Variants in OXSR1 observed in about 807,000 individuals in gnomAD.
OXSR1 encodes oxidative stress responsive kinase 1.
Under a neutral mutation model 79.8 loss-of-function variants are expected in OXSR1, and 24 were observed. That is an observed-to-expected ratio of 0.30 (90% CI 0.22 to 0.42). The LOEUF (loss-of-function observed/expected upper bound fraction) is 0.42, where lower values mean the gene tolerates loss of function less well. Among genes scored for constraint, OXSR1 ranks in the 10% least tolerant of loss-of-function variants. The probability of loss-of-function intolerance (pLI) is 1.00; values close to 1 mark genes in which losing one functional copy is unlikely to be tolerated. For missense variants in OXSR1, 430 were observed against 618.4 expected (o/e 0.70, Z 3.23); for synonymous variants, 226 against 209.2 (o/e 1.08, Z -0.69).
chr3:38,216,248 T>C, intron 5 of OXSR1, 97 bp downstream of exon 5: 3 of 767,216 alleles, frequency 3.9e-6, no homozygotes, highest in Non-Finnish European at 6.4e-6. Flanking sequence ...TCCTGTTCCC[T>C]GGACCATCTC....
intron 5 of OXSR1, among the ~76,000 whole-genome samples, chr3:38,217,603 C>CTGCA (rs1482561810): frequency 2.6e-4 from 39 of 152,306 alleles, no homozygotes. Flanking sequence ...TCTTGGCTCA[C>CTGCA]TGCAACCTGT....
At chr3:38,169,929 C>T (rs1342588646) in intron 1 of OXSR1, among the ~76,000 whole-genome samples, 3 of 151,982 alleles carry the variant, frequency 2.0e-5, no homozygotes, top group Non-Finnish European at 2.9e-5. Context: ...TGGGTTTCGC[C>T]ACATTTCCCA....
chr3:38,217,992 AT>A (rs1296403958), intron 5 of OXSR1, among the ~76,000 whole-genome samples: 1 of 151,978 alleles, frequency 6.6e-6, no homozygotes, highest in Non-Finnish European at 1.5e-5. Context: ...TACGTGCTGC[AT>A]TTTGTTTATC....
chr3:38,186,199 A>T (rs1462756063), intron 2 of OXSR1, among the ~76,000 whole-genome samples: 1 of 152,108 alleles, frequency 6.6e-6, no homozygotes, highest in Non-Finnish European at 1.5e-5. Context: ...TTTGATAGGA[A>T]ATATTGATTA....
chr3:38,203,746 CCTG>C (rs1702213525), intron 4 of OXSR1, among the ~76,000 whole-genome samples: 1 of 152,150 alleles, frequency 6.6e-6, no homozygotes, highest in Non-Finnish European at 1.5e-5. Context: ...CACAAGCACC[CCTG>C]TGGCTACCAG....
intron 1 of OXSR1, among the ~76,000 whole-genome samples, chr3:38,175,884 A>G (rs1701668412): frequency 6.6e-6 from 1 of 152,192 alleles, no homozygotes; most frequent in South Asian, 2.1e-4. Flanking sequence ...AGGCGTGCCA[A>G]TGTGAAGTAG....
intron 4 of OXSR1, among the ~76,000 whole-genome samples, chr3:38,203,072 T>C (rs369034060): frequency 6.6e-6 from 1 of 152,322 alleles, no homozygotes; most frequent in East Asian, 1.9e-4. Context: ...TCCACTTCCG[T>C]GTTCCTCCCG....
In OXSR1 at chr3:38,213,533, G is replaced by GTA. The variant is rs149970433; in HGVS notation, c.435-2562_435-2561dup. 4.1e-3 allele frequency among the ~76,000 whole-genome samples: 624 copies of GTA among 152,240 alleles called. 7 individuals are homozygous for GTA. Among genetic ancestry groups the GTA allele is most frequent in the African/African-American group, 0.014 (600 of 41,540 alleles). On this transcript the variant is annotated intron_variant, in intron 4 of 17. Transcript: ENST00000311806. Reference sequence around the variant, plus strand: ...ACTGAAAAAGGACATTAGTTAAAAAGTAAAGAAATCTGAATAAACTGTGGA... The same window carrying GTA: ...ACTGAAAAAGGACATTAGTTAAAAAGTATAAAGAAATCTGAATAAACTGTGGA...
intron 15 of OXSR1, among the ~76,000 whole-genome samples, chr3:38,250,890 A>C (rs1207036429): frequency 6.6e-6 from 1 of 152,184 alleles, no homozygotes; most frequent in Non-Finnish European, 1.5e-5. Flanking sequence ...AGTTGGTTGA[A>C]GATGAGGTTA....
intron 3 of OXSR1, among the ~76,000 whole-genome samples, chr3:38,194,107 T>C (rs1702032240): frequency 6.6e-6 from 1 of 152,194 alleles, no homozygotes; most frequent in South Asian, 2.1e-4. Context: ...TGATCTCCAG[T>C]ACATTGGTGA....
At chr3:38,207,908 CCCCCT>C (rs1294902862) in intron 4 of OXSR1, among the ~76,000 whole-genome samples, 4 of 99,196 alleles carry the variant, frequency 4.0e-5, no homozygotes, top group Non-Finnish European at 5.8e-5. Context: ...CCTCCCCCCT[CCCCCT>C]CCCCTCCCCT....
chr3:38,243,438 A>G lies in OXSR1; in HGVS notation c.1110+660A>G, dbSNP rs117797359. On this transcript the variant is annotated intron_variant, in intron 12 of 17. Coordinates refer to ENST00000311806, the MANE Select transcript of OXSR1 (RefSeq NM_005109.3). ...CCTCTTCTCTTGTGAAATAAATTCT[A>G]TTTTCCGTGGTTACTGTGTCAGTAT... Among the ~76,000 whole-genome samples the G allele has an allele frequency of 1.2e-4, 18 of 152,106 alleles. No individual in the cohort carries two copies. In the East Asian group the frequency reaches 1.4e-3, roughly 11 times the overall value.
chr3:38,195,245 GGAGT>G (rs1440015101), intron 3 of OXSR1, among the ~76,000 whole-genome samples: 1 of 152,266 alleles, frequency 6.6e-6, no homozygotes, highest in Non-Finnish European at 1.5e-5. Context: ...GTACTTAAAG[GGAGT>G]AAGTGTAGAA....
intron 17 of OXSR1, among the ~76,000 whole-genome samples, chr3:38,252,613 T>A (rs1474676519): frequency 6.6e-6 from 1 of 152,162 alleles, no homozygotes; most frequent in Non-Finnish European, 1.5e-5. Context: ...TGGCTATTCA[T>A]AAGAGAAACT....
intron 4 of OXSR1, among the ~76,000 whole-genome samples, chr3:38,199,273 CTT>C (rs762400923): frequency 4.9e-5 from 7 of 142,388 alleles, no homozygotes; most frequent in African/African-American, 2.6e-5. Flanking sequence ...AGCCTTTTTT[CTT>C]TTTTTTTTTT....
At chr3:38,252,290 C>G in intron 16 of OXSR1, 38 bp from the exon 17 acceptor site, 1 of 1,407,228 alleles carries the variant, frequency 7.1e-7, no homozygotes, top group Non-Finnish European at 1.0e-6. Context: ...ATTTATGTAA[C>G]TTCTCATTCA....
At chr3:38,198,887 T>TGTTA in intron 4 of OXSR1, 24 bp downstream of exon 4, 1 of 1,600,356 alleles carries the variant, frequency 6.2e-7, no homozygotes, top group Non-Finnish European at 8.5e-7. Flanking sequence ...AATACTCTTG[T>TGTTA]GTTACATCAT....
chr3:38,220,314 A>G (rs1356484159), intron 5 of OXSR1, among the ~76,000 whole-genome samples: 4 of 152,080 alleles, frequency 2.6e-5, no homozygotes, highest in African/African-American at 9.7e-5. Flanking sequence ...CCTTCTCACA[A>G]TTGGGTTTTC....
intron 4 of OXSR1, among the ~76,000 whole-genome samples, chr3:38,206,885 G>A (rs1038909636): frequency 6.6e-6 from 1 of 152,176 alleles, no homozygotes; most frequent in Non-Finnish European, 1.5e-5. Flanking sequence ...CCTCTGGCAA[G>A]TTATTTAATC....
Sources: allele counts gnomAD v4.1 joint callset (sites outside exome capture counted in the v4.1 genomes callset), GRCh38; gene constraint gnomAD v4.1.1; transcripts MANE v1.5; gene names NCBI Gene and HGNC (gene_info 2026-07-23, HGNC 2026-07-21).